Variants in PRKX observed in about 807,000 individuals in gnomAD.
PRKX encodes the protein protein kinase cAMP-dependent X-linked catalytic subunit, also known as cAMP-dependent protein kinase catalytic subunit PRKX.
Under a neutral mutation model 22.0 loss-of-function variants are expected in PRKX, and 12 were observed. The ratio of observed to expected loss-of-function variants is 0.54; its 90% CI spans 0.35 to 0.88. PRKX has a LOEUF of 0.88. PRKX is among the 40% of genes least tolerant of loss of function. The pLI is 0.01. For missense variants in PRKX, 217 were observed against 308.0 expected, an observed-to-expected ratio of 0.70 and a Z score of 2.21; for synonymous variants, 134 against 137.7, an observed-to-expected ratio of 0.97 and a Z score of 0.19.
intron 1 of PRKX, among the ~76,000 whole-genome samples, chrX:3,711,382 T>C (rs767768101): frequency 9.0e-6 from 1 of 111,543 alleles, no homozygotes; most frequent in Admixed American, 9.5e-5. Context: ...TTTTTAAAGA[T>C]GAGGTTACCC....
intron 2 of PRKX, among the ~76,000 whole-genome samples, chrX:3,670,637 C>T: frequency 9.1e-6 from 1 of 110,478 alleles, no homozygotes; most frequent in Non-Finnish European, 1.9e-5. Flanking sequence ...TCTCCGCCTC[C>T]CAGGATCAAG....
intron 1 of PRKX, among the ~76,000 whole-genome samples, chrX:3,683,124 A>C (rs6641842): frequency 0.13 from 14,959 of 111,879 alleles, 913 homozygotes; most frequent in East Asian, 0.38. Flanking sequence ...TGCACTTCAG[A>C]GTTGTGGTCT....
chrX:3,647,910 C>T (rs1320490502), intron 3 of PRKX, among the ~76,000 whole-genome samples: 1 of 110,624 alleles, frequency 9.0e-6, no homozygotes, highest in African/African-American at 3.3e-5. Flanking sequence ...TGGCACCCAC[C>T]ATTCTACTTT....
chrX:3,705,120 G>A (rs140835728), intron 1 of PRKX, among the ~76,000 whole-genome samples: 1 of 111,521 alleles, frequency 9.0e-6, no homozygotes, highest in East Asian at 2.8e-4. Context: ...GGCAGACTGG[G>A]GCTTAGAAAC....
chrX:3,708,520 TAAGAA>T (rs1172522984), intron 1 of PRKX, among the ~76,000 whole-genome samples: 4 of 109,398 alleles, frequency 3.7e-5, no homozygotes, highest in Non-Finnish European at 7.6e-5. Context: ...TCCTAGCTCT[TAAGAA>T]AATAAAATAT....
At chrX:3,707,791 CTG>C (rs1928713738) in intron 1 of PRKX, among the ~76,000 whole-genome samples, 1 of 111,746 alleles carries the variant, frequency 8.9e-6, no homozygotes, top group African/African-American at 3.3e-5. Flanking sequence ...TTAAAGGAAA[CTG>C]TCATTCACAC....
At chrX:3,698,316 A>G (rs1336866379) in intron 1 of PRKX, among the ~76,000 whole-genome samples, 1 of 110,932 alleles carries the variant, frequency 9.0e-6, no homozygotes, top group Non-Finnish European at 1.9e-5. Flanking sequence ...CACCAACTAC[A>G]TAGAAAGAAG....
At chrX:3,691,369 C>T (rs950728833) in intron 1 of PRKX, among the ~76,000 whole-genome samples, 1 of 111,237 alleles carries the variant, frequency 9.0e-6, no homozygotes, top group Non-Finnish European at 1.9e-5. Flanking sequence ...CACAGATAAG[C>T]CTCTCTGGGC....
intron 4 of PRKX, among the ~76,000 whole-genome samples, chrX:3,635,028 G>A (rs1337603190): frequency 8.9e-6 from 1 of 112,332 alleles, no homozygotes; most frequent in Non-Finnish European, 1.9e-5. Flanking sequence ...TCTAGAAAGT[G>A]TGGTTACACA....
intron 3 of PRKX, among the ~76,000 whole-genome samples, chrX:3,653,022 T>C (rs1267557896): frequency 1.8e-5 from 2 of 111,139 alleles, no homozygotes; most frequent in Non-Finnish European, 3.8e-5. Context: ...CAGTGTGTGG[T>C]CTTTTGTCAA....
At chrX:3,649,875 C>G (rs1927281407) in intron 3 of PRKX, among the ~76,000 whole-genome samples, 1 of 106,483 alleles carries the variant, frequency 9.4e-6, no homozygotes, top group African/African-American at 3.4e-5. Context: ...TACCGTAGCT[C>G]CCGCCTGTAA....
rs141511399 is a variant in PRKX at position 3,698,764 on chromosome X, T to C, written c.166+14324A>G. ...CCACCACACACCCGGCTAATTTTTGTAGTTTTGGTAGAGACAGAGTTTCAC... is the reference window on the plus strand; with the variant it reads ...CCACCACACACCCGGCTAATTTTTGCAGTTTTGGTAGAGACAGAGTTTCAC... On this transcript the variant is annotated intron_variant, in intron 1 of 8. Transcript: ENST00000262848. 2.2e-3 allele frequency among the ~76,000 whole-genome samples: 243 copies of C among 108,540 alleles called. 1 individual carries two copies. Among genetic ancestry groups the C allele is most frequent in the African/African-American group, 7.9e-3 (235 of 29,771 alleles). 94.3% of individuals were successfully genotyped at this position (108,540 alleles called of 115,157 possible). A position where few individuals can be genotyped will look rare whatever the true frequency, so the allele number is the denominator to read the frequency against.
chrX:3,671,924 AC>A (rs752519978), intron 2 of PRKX, among the ~76,000 whole-genome samples: 1 of 111,890 alleles, frequency 8.9e-6, no homozygotes, highest in Non-Finnish European at 1.9e-5. Flanking sequence ...AAAGTTCAAG[AC>A]CAGCCTGGGC....
intron 3 of PRKX, among the ~76,000 whole-genome samples, chrX:3,654,648 A>T (rs1421493317): frequency 2.8e-5 from 3 of 106,451 alleles, no homozygotes; most frequent in African/African-American, 1.0e-4. Flanking sequence ...CTTTTTTTTA[A>T]ATATATATAT....
At chrX:3,693,753 A>C (rs890821904) in intron 1 of PRKX, among the ~76,000 whole-genome samples, 4 of 107,934 alleles carry the variant, frequency 3.7e-5, no homozygotes, top group East Asian at 5.9e-4. Flanking sequence ...CTGGCTAACG[A>C]GGTGAAACCG....
chrX:3,613,105 C>G (rs757985814), intron 7 of PRKX, among the ~76,000 whole-genome samples: 2 of 89,362 alleles, frequency 2.2e-5, no homozygotes, highest in South Asian at 1.3e-3. Context: ...GAGCCGAGAT[C>G]GCACCACTGA....
intron 1 of PRKX, among the ~76,000 whole-genome samples, chrX:3,693,728 G>C (rs1928381904): frequency 9.2e-6 from 1 of 108,637 alleles, no homozygotes; most frequent in Admixed American, 9.9e-5. Flanking sequence ...ACGAGGTCAG[G>C]AGATAGAGAC....
intron 1 of PRKX, 51 bp downstream of exon 1, chrX:3,713,037 C>G: frequency 8.9e-7 from 1 of 1,122,441 alleles, no homozygotes; most frequent in Non-Finnish European, 1.2e-6. Context: ...TACAACGTCC[C>G]GGCCACGCCG....
At chrX:3,631,363 G>T (rs893339738) in intron 4 of PRKX, among the ~76,000 whole-genome samples, 11 of 112,672 alleles carry the variant, frequency 9.8e-5, no homozygotes, top group Admixed American at 8.5e-4. Context: ...AGAGACTCAA[G>T]AGGAGGCACA....
Sources: allele counts gnomAD v4.1 joint callset (sites outside exome capture counted in the v4.1 genomes callset), GRCh38; gene constraint gnomAD v4.1.1; transcripts MANE v1.5; gene names NCBI Gene and HGNC (gene_info 2026-07-23, HGNC 2026-07-21).